The following CHD9 variants were observed in gnomAD, a reference collection of about 807,000 sequenced individuals.
The protein encoded by CHD9 is chromodomain helicase DNA binding protein 9, also known as ATP-dependent chromatin remodeler CHD9.
In CHD9, 77 loss-of-function variants were observed where a neutral mutation model predicts 316.1. That is an observed-to-expected ratio of 0.24 (90% CI 0.20 to 0.29). The LOEUF (loss-of-function observed/expected upper bound fraction) is 0.29, where lower values mean the gene tolerates loss of function less well. CHD9 is among the 10% of genes least tolerant of loss of function. CHD9 has a pLI of 1.00. For missense variants in CHD9, 2,763 were observed against 3,438.1 expected (o/e 0.80, Z 4.91); for synonymous variants, 1,129 against 1,158.3 (o/e 0.97, Z 0.51).
intron 2 of CHD9, among the ~76,000 whole-genome samples, chr16:53,174,670 G>A (rs752753905): frequency 6.1e-4 from 92 of 152,060 alleles, no homozygotes; most frequent in Non-Finnish European, 1.2e-3. Context: ...GTGCAGTGGC[G>A]CGATCATGGC....
chr16:53,159,938 G>A (rs1285196635), intron 2 of CHD9, among the ~76,000 whole-genome samples: 2 of 152,130 alleles, frequency 1.3e-5, no homozygotes, highest in African/African-American at 2.4e-5. Flanking sequence ...ATTTCAGAAC[G>A]ATATTTCAGC....
At chr16:53,171,753 GA>G (rs2042741531) in intron 2 of CHD9, among the ~76,000 whole-genome samples, 1 of 152,048 alleles carries the variant, frequency 6.6e-6, no homozygotes, top group Non-Finnish European at 1.5e-5. Context: ...TCAGGAGGCT[GA>G]GTTGGAGGAT....
rs547504671 is a variant in CHD9 at position 53,195,680 on chromosome 16, CT to C, written c.1453-13791del. ...TAAGCGCTCTCTTTTTTTGTAACTA[CT>C]TTTTTTTTTTAAGTTTTATTTTGAG... On this transcript the variant is annotated intron_variant, in intron 2 of 38. Transcript: ENST00000447540. Among the ~76,000 whole-genome samples, 145 of 143,858 alleles carry C rather than the reference CT, an allele frequency of 1.0e-3. 1 individual carries two copies. In the South Asian group the frequency reaches 0.025, roughly 25 times the overall value. 94.4% of individuals were successfully genotyped at this position (143,858 alleles called of 152,430 possible).
At chr16:53,131,872 C>T (rs2039347034) in intron 1 of CHD9, among the ~76,000 whole-genome samples, 2 of 152,150 alleles carry the variant, frequency 1.3e-5, no homozygotes, top group South Asian at 4.1e-4. Flanking sequence ...CCGAGTGCCT[C>T]TCCCCGTCTG....
chr16:53,182,749 A>T (rs2043636733), intron 2 of CHD9, among the ~76,000 whole-genome samples: 3 of 152,192 alleles, frequency 2.0e-5, no homozygotes, highest in African/African-American at 7.2e-5. Flanking sequence ...TAATTAAATT[A>T]AAAAGTACAT....
chr16:53,156,970 C>T lies in CHD9; in HGVS notation c.881C>T (p.Ala294Val), dbSNP rs753490752. Reference sequence around the variant, plus strand: ...CTACTTCAGTCCTCTGCAGTTCTTGCATCTAATCATACAAATCAGACTTTA... The same window carrying T: ...CTACTTCAGTCCTCTGCAGTTCTTGTATCTAATCATACAAATCAGACTTTA... ...NSLLQSSAVL[A>V]SNHTNQTLSD... is the part of the protein sequence containing the mutation. Residue 294 changes from alanine (A) to valine (V), a missense_variant, in exon 2 of 39, where the codon GCA becomes GTA. By Grantham distance (64) the Ala-to-Val change is moderately conservative. This residue lies in a region of CHD9 where 859 missense variants were observed against 890.4 expected (regional missense o/e 0.96). Coordinates refer to ENST00000447540, the MANE Select transcript of CHD9 (RefSeq NM_001308319.2). The T allele has an allele frequency of 6.2e-7, 1 of 1,612,714 alleles. No individual in the cohort carries two copies. The highest frequency in any genetic ancestry group is 1.1e-5 in the South Asian group (1 of 91,046).
chr16:53,279,925 C>G (rs2053241558), intron 24 of CHD9, among the ~76,000 whole-genome samples: 1 of 152,076 alleles, frequency 6.6e-6, no homozygotes, highest in Non-Finnish European at 1.5e-5. Flanking sequence ...AGAAAAAATG[C>G]CCAATATCGC....
chr16:53,304,135 G>C lies in CHD9; in HGVS notation c.6129G>C (p.Glu2043Asp). Residue 2043 changes from glutamate to aspartate, a missense_variant, in exon 31 of 39, where the codon GAG becomes GAC. This residue lies in a region of CHD9 where 663 missense variants were observed against 751.2 expected (regional missense o/e 0.88). Transcript: ENST00000447540. Reference sequence around the variant, plus strand: ...TAGATGCTAAAGGTATTATTCTAGAGGAGATGAAAGTTAAAAGTGAAAACC... The same window carrying C: ...TAGATGCTAAAGGTATTATTCTAGACGAGATGAAAGTTAAAAGTGAAAACC... ...RLLDAKGIIL[E>D]EMKVKSENLK... 6.2e-7 allele frequency: 1 copy of C among 1,613,254 alleles called. No homozygotes were observed. Among genetic ancestry groups the C allele is most frequent in the East Asian group, 2.2e-5 (1 of 44,872 alleles).
intron 1 of CHD9, among the ~76,000 whole-genome samples, chr16:53,056,513 G>A (rs975675687): frequency 6.6e-6 from 1 of 152,170 alleles, no homozygotes; most frequent in African/African-American, 2.4e-5. Context: ...GATCTTGCTC[G>A]AAGTTATATA....
intron 1 of CHD9, among the ~76,000 whole-genome samples, chr16:53,087,841 G>A (rs1243745628): frequency 6.6e-6 from 1 of 151,934 alleles, no homozygotes; most frequent in Admixed American, 6.6e-5. Flanking sequence ...CCAGCTACTC[G>A]GGAAGCTGAG....
intron 1 of CHD9, among the ~76,000 whole-genome samples, chr16:53,063,358 TCACACACACACACA>T (rs67988137): frequency 2.3e-4 from 31 of 137,128 alleles, no homozygotes; most frequent in African/African-American, 7.3e-4. Flanking sequence ...CTCATAAATT[TCACACACACACACA>T]CACACACACA....
intron 1 of CHD9, among the ~76,000 whole-genome samples, chr16:53,144,109 C>A (rs2040371211): frequency 6.6e-6 from 1 of 152,150 alleles, no homozygotes; most frequent in Non-Finnish European, 1.5e-5. Context: ...GAGCTTACTG[C>A]TTCATAGCTT....
chr16:53,133,621 G>A (rs1483237909), intron 1 of CHD9, among the ~76,000 whole-genome samples: 2 of 152,014 alleles, frequency 1.3e-5, no homozygotes, highest in Non-Finnish European at 2.9e-5. Context: ...TTTTACTATT[G>A]TAGGATTCTA....
intron 1 of CHD9, among the ~76,000 whole-genome samples, chr16:53,093,607 C>T (rs924546138): frequency 6.6e-6 from 1 of 152,194 alleles, no homozygotes; most frequent in Non-Finnish European, 1.5e-5. Flanking sequence ...TGTACCACAC[C>T]TTTCTGTTTG....
chr16:53,143,342 T>C (rs2040272636), intron 1 of CHD9, among the ~76,000 whole-genome samples: 1 of 149,932 alleles, frequency 6.7e-6, no homozygotes, highest in Non-Finnish European at 1.5e-5. Flanking sequence ...ATTTTATTTA[T>C]TTTTATTTTA....
intron 34 of CHD9, among the ~76,000 whole-genome samples, chr16:53,312,753 C>T (rs1357653785): frequency 6.6e-6 from 1 of 152,092 alleles, no homozygotes; most frequent in Non-Finnish European, 1.5e-5. Context: ...TGGTTACTTA[C>T]CATATGAATT....
chr16:53,315,827 A>T (rs1289511726), intron 36 of CHD9, among the ~76,000 whole-genome samples: 1 of 152,202 alleles, frequency 6.6e-6, no homozygotes, highest in Non-Finnish European at 1.5e-5. Flanking sequence ...TTAAGTAAAT[A>T]GTTCAAGTCC....
At chr16:53,187,476 G>A (rs923072381) in intron 2 of CHD9, among the ~76,000 whole-genome samples, 1 of 152,072 alleles carries the variant, frequency 6.6e-6, no homozygotes, top group African/African-American at 2.4e-5. Context: ...ACTCACTGCA[G>A]CCTGGGCAGA....
chr16:53,211,458 A>G (rs1031846971), intron 3 of CHD9, among the ~76,000 whole-genome samples: 1 of 152,188 alleles, frequency 6.6e-6, no homozygotes, highest in Non-Finnish European at 1.5e-5. Context: ...ATATTGCACA[A>G]CATTGACCAA....
Sources: allele counts gnomAD v4.1 joint callset (sites outside exome capture counted in the v4.1 genomes callset), GRCh38; gene constraint gnomAD v4.1.1; regional missense constraint gnomAD v4.1.1; transcripts MANE v1.5; gene names NCBI Gene and HGNC (gene_info 2026-07-23, HGNC 2026-07-21).